The following CREBZF variants were observed in gnomAD, a reference collection of about 807,000 sequenced individuals.
The protein encoded by CREBZF is CREB/ATF bZIP transcription factor.
Under a neutral mutation model 21.1 loss-of-function variants are expected in CREBZF, and 8 were observed. That is an observed-to-expected ratio of 0.38 (90% confidence interval 0.22 to 0.68). The LOEUF is 0.68. Among genes scored for constraint, CREBZF ranks in the 30% least tolerant of loss-of-function variants. CREBZF has a pLI of 0.51. For missense variants in CREBZF, 518 were observed against 484.3 expected (o/e 1.07, Z -0.65); for synonymous variants, 270 against 223.3 (o/e 1.21, Z -1.86).
upstream of CREBZF, among the ~76,000 whole-genome samples, chr11:85,666,572 A>G (rs1198066742): frequency 6.6e-6 from 1 of 152,228 alleles, no homozygotes. Flanking sequence ...AAACTTCTCT[A>G]TAGGATACTG....
Position 85,664,197 on chromosome 11 carries a change from C to G in CREBZF, c.679G>C (p.Glu227Gln), listed in dbSNP as rs1405021854. Reference protein sequence around the residue: ...AARLNRLKKKEYVMGLESRVR... With the variant: ...AARLNRLKKKQYVMGLESRVR... ...CGACTCTCCAGCCCCATCACGTACT[C>G]CTTCTTCTTCAGTCGATTAAGGCGG... The change falls in exon 1 of 1, where the codon GAG (glutamate) becomes CAG (glutamine). Residue 227 changes from glutamate to glutamine, a missense_variant. Coordinates refer to ENST00000527447, the MANE Select transcript of CREBZF (RefSeq NM_001039618.4). The surrounding 1 kb of genome is among the most constrained non-coding windows in gnomAD (Gnocchi z 5.5). The G allele has an allele frequency of 3.1e-6, 5 of 1,613,286 alleles. No homozygotes were observed. Among genetic ancestry groups the G allele is most frequent in the Non-Finnish European group, 4.2e-6 (5 of 1,180,020 alleles).
At chr11:85,677,249 G>C (rs1314738638) in intron 1 of CREBZF, among the ~76,000 whole-genome samples, 1 of 152,154 alleles carries the variant, frequency 6.6e-6, no homozygotes, top group East Asian at 1.9e-4. Flanking sequence ...ACAGGTGTGA[G>C]CCACCACACC....
chr11:85,666,949 C>T (rs1171280584), upstream of CREBZF, among the ~76,000 whole-genome samples: 1 of 152,182 alleles, frequency 6.6e-6, no homozygotes, highest in African/African-American at 2.4e-5. Context: ...CTCTGGCCTC[C>T]CTTGAGTACA....
At chr11:85,682,590 C>CT in intron 1 of CREBZF, 1 of 524,100 alleles carries the variant, frequency 1.9e-6, no homozygotes, top group South Asian at 2.0e-5. Context: ...ACACGCGCCC[C>CT]TACCCCCTGC....
chr11:85,667,032 T>A (rs1414585137), upstream of CREBZF, among the ~76,000 whole-genome samples: 1 of 152,354 alleles, frequency 6.6e-6, no homozygotes, highest in East Asian at 1.9e-4. Flanking sequence ...TATTAACTGA[T>A]TATATTTTTT....
chr11:85,664,785 G>C lies in CREBZF; in HGVS notation c.91C>G (p.Leu31Val). ...ESPEPAATCS[L>V]PSDLTRAAAG... is the part of the protein sequence containing the mutation. ...GCAGCCCGGGTCAGGTCAGAGGGCA[G>C]CGAACAAGTTGCAGCCGGCTCCGGG... is the stretch of plus-strand genomic sequence containing the variant. Residue 31 changes from leucine (L) to valine (V), a missense_variant, in exon 1 of 1, where the codon CTG becomes GTG. Leu to Val is a conservative substitution (Grantham distance 32, BLOSUM62 1). Transcript: ENST00000527447. This position sits in a 1 kb window ranked among gnomAD's most constrained non-coding sequence, Gnocchi z 5.5. 1.3e-6 allele frequency: 2 copies of C among 1,585,640 alleles called. No homozygotes were observed. Among genetic ancestry groups the C allele is most frequent in the Non-Finnish European group, 1.7e-6 (2 of 1,170,086 alleles).
Position 85,661,786 on chromosome 11 carries a change from A to T in CREBZF, c.*2025T>A, listed in dbSNP as rs555163100. 1 of 152,518 alleles carries T rather than the reference A, an allele frequency of 6.6e-6. No individual in the cohort carries two copies. The highest frequency in any genetic ancestry group is 1.5e-5 in the Non-Finnish European group (1 of 67,988). The allele number at this position is 152,518 out of a possible 1,614,324, so 9.4% of individuals were successfully genotyped here. On this transcript the variant is annotated 3_prime_UTR_variant, in exon 1 of 1. Transcript: ENST00000527447. ...ACAAACCTGGTTTTATTATGACACC[A>T]TATTTTTGTCATTGGTACTGCACAA...
At chr11:85,669,001 C>CAAAAAAAAAAAAAAAAAAA (rs61718728), upstream of CREBZF, among the ~76,000 whole-genome samples, 9 of 33,218 alleles carry the variant, frequency 2.7e-4, no homozygotes, top group Non-Finnish European at 5.0e-4. Flanking sequence ...GACTCCGTCT[C>CAAAAAAAAAAAAAAAAAAA]AAAAAAAAAA....
chr11:85,670,191 A>G (rs1331932404), intron 1 of CREBZF, among the ~76,000 whole-genome samples: 7 of 152,140 alleles, frequency 4.6e-5, no homozygotes, highest in Admixed American at 3.3e-4. Context: ...CATGTAATAC[A>G]AAATGAAAAT....
rs1225398811 is a variant in CREBZF at position 85,660,144 on chromosome 11, A to C, written c.*3667T>G. 1.3e-5 allele frequency: 2 copies of C among 154,262 alleles called. No individual in the cohort carries two copies. The highest frequency in any genetic ancestry group is 4.8e-5 in the African/African-American group (2 of 41,456). 9.6% of individuals were successfully genotyped at this position (154,262 alleles called of 1,614,324 possible). ...TTAGCTCTCATGTTCCAGGAAATAA[A>C]TACAAACTCATATGCCTTGTGATCA... On this transcript the variant is annotated 3_prime_UTR_variant, in exon 1 of 1. Transcript: ENST00000527447.
rs2082694597 is a variant in CREBZF, at chr11:85,661,958, G to GTT, written c.*1851_*1852dup. On this transcript the variant is annotated 3_prime_UTR_variant, in exon 1 of 1. Transcript: ENST00000527447. ...CAAATAATCTTTCCAACTACTTTTG[G>GTT]TTTATATATATATATATATATGTAT... 2 of 147,080 alleles carry GTT rather than the reference G, an allele frequency of 1.4e-5. No individual in the cohort carries two copies. Among genetic ancestry groups the GTT allele is most frequent in the South Asian group, 2.1e-4 (1 of 4,724 alleles). The allele number at this position is 147,080 out of a possible 1,614,324, so 9.1% of individuals were successfully genotyped here.
In CREBZF at chr11:85,665,075, T is replaced by C; in HGVS notation, c.-200A>G. 2.3e-6 allele frequency: 1 copy of C among 436,902 alleles called. No individual in the cohort carries two copies. The highest frequency in any genetic ancestry group is 4.1e-6 in the Non-Finnish European group (1 of 242,908). 27.1% of individuals were successfully genotyped at this position (436,902 alleles called of 1,614,324 possible). On this transcript the variant is annotated 5_prime_UTR_variant, in exon 1 of 1. Coordinates refer to ENST00000527447, the MANE Select transcript of CREBZF (RefSeq NM_001039618.4). The stretch of plus-strand genomic sequence containing the variant: ...GGGGAGGGACGGGAGAACGAAGCGG[T>C]GAGGCCCTGCGATGACTCGACCGCG...
intron 1 of CREBZF, among the ~76,000 whole-genome samples, chr11:85,671,976 G>T (rs1439207582): frequency 6.6e-6 from 1 of 152,234 alleles, no homozygotes. Flanking sequence ...CTTCCACACT[G>T]CCCTAGCAGA....
At chr11:85,669,608 A>G (rs1262927563), upstream of CREBZF, among the ~76,000 whole-genome samples, 1 of 152,240 alleles carries the variant, frequency 6.6e-6, no homozygotes, top group African/African-American at 2.4e-5. Context: ...CACCCAATTG[A>G]AAATAAATCT....
chr11:85,669,844 G>T (rs1279116605), upstream of CREBZF, among the ~76,000 whole-genome samples: 1 of 152,192 alleles, frequency 6.6e-6, no homozygotes, highest in Non-Finnish European at 1.5e-5. Context: ...GTCTCACTCT[G>T]TTGCCCAGGC....
rs2082585637 is a variant in CREBZF, at chr11:85,658,667, C to T, written c.*5144G>A. Among the ~76,000 whole-genome samples the T allele has an allele frequency of 6.7e-6, 1 of 150,236 alleles. No individual in the cohort carries two copies. Among genetic ancestry groups the T allele is most frequent in the African/African-American group, 2.4e-5 (1 of 40,922 alleles). On this transcript the variant is annotated 3_prime_UTR_variant, in exon 1 of 1. Transcript: ENST00000527447. ...TTGGCTTAAAAAAAAAAAAAGAGGGCTCACATTCTATTTAAATTAAGACAA... is the reference window on the plus strand; with the variant it reads ...TTGGCTTAAAAAAAAAAAAAGAGGGTTCACATTCTATTTAAATTAAGACAA...
chr11:85,682,706 G>T lies in CREBZF; in HGVS notation n.147+11C>A. 5 of 666,886 alleles carry T rather than the reference G, an allele frequency of 7.5e-6. No homozygotes were observed. The East Asian group carries it at 1.1e-4, about 15-fold the overall frequency. The allele number at this position is 666,886 out of a possible 1,614,324, so 41.3% of individuals were successfully genotyped here. A position where few individuals can be genotyped will look rare whatever the true frequency, so the allele number is the denominator to read the frequency against. On this transcript the variant is annotated intron_variant and non_coding_transcript_variant, in intron 1 of 3. Transcript: ENST00000531515. Reference sequence around the variant, plus strand: ...ACCACACTCCAGTACCCGGAATTCCGGGATTCATACCCAAACGGCCCTCAG... The same window carrying T: ...ACCACACTCCAGTACCCGGAATTCCTGGATTCATACCCAAACGGCCCTCAG...
upstream of CREBZF, among the ~76,000 whole-genome samples, chr11:85,665,605 A>T (rs2082849318): frequency 6.6e-6 from 1 of 151,326 alleles, no homozygotes; most frequent in South Asian, 2.1e-4. Flanking sequence ...TACATTCCAT[A>T]TGTATAGAAA....
rs774181076 is a variant in CREBZF at position 85,663,841 on chromosome 11, G to T, written c.1035C>A (p.Ala345=). The T allele has an allele frequency of 2.3e-5, 37 of 1,604,800 alleles. No individual in the cohort carries two copies. In the Admixed American group the frequency reaches 6.2e-4, roughly 27 times the overall value. ...TTTTAAGAGAAGACGACGCCTTCCG[G>T]GCGCACGCCGAGCAGAACTCCACCG... The part of the protein sequence containing the change: ...KVSVEFCSAC[A]RKASSSLKM The change falls in exon 1 of 1, where the codon GCC becomes GCA. Residue 345 remains alanine, a synonymous_variant. Coordinates refer to ENST00000527447, the MANE Select transcript of CREBZF (RefSeq NM_001039618.4).
Sources: allele counts gnomAD v4.1 joint callset (sites outside exome capture counted in the v4.1 genomes callset), GRCh38; gene constraint gnomAD v4.1.1; non-coding constraint Gnocchi (gnomAD v3.1); transcripts MANE v1.5; gene names NCBI Gene and HGNC (gene_info 2026-07-23, HGNC 2026-07-21).